Variants in DLGAP2 observed in about 807,000 individuals in gnomAD.
The protein encoded by DLGAP2 is disks large-associated protein 2.
DLGAP2 carries 26 observed loss-of-function variants against 100.3 expected under a neutral mutation model. The observed-to-expected ratio is 0.26, with a 90% CI of 0.19 to 0.36. DLGAP2 has a LOEUF of 0.36. DLGAP2 is among the 10% of genes least tolerant of loss of function. DLGAP2 has a pLI of 1.00. For synonymous variants in DLGAP2, 886 were observed against 630.1 expected (o/e 1.41, Z -6.08); for missense variants, 1,858 against 1,453.2 (o/e 1.28, Z -4.53).
chr8:1,564,414 A>T (rs1175510670), intron 5 of DLGAP2, among the ~76,000 whole-genome samples: 1 of 152,180 alleles, frequency 6.6e-6, no homozygotes, highest in East Asian at 1.9e-4. Context: ...CGTAACGCAA[A>T]CACACAGCAG....
intron 3 of DLGAP2, among the ~76,000 whole-genome samples, chr8:1,402,328 C>A (rs527931303): frequency 0.017 from 2 of 118 alleles, no homozygotes; most frequent in African/African-American, 0.062. Flanking sequence ...ACTGAGCGCT[C>A]CCTCCTCGTC....
At chr8:1,129,981 T>A (rs1289539310) in intron 2 of DLGAP2, among the ~76,000 whole-genome samples, 3 of 152,184 alleles carry the variant, frequency 2.0e-5, no homozygotes, top group Non-Finnish European at 4.4e-5. Context: ...GACAGGCAGT[T>A]CTAATTCTAA....
In DLGAP2 at chr8:1,666,746, A is replaced by G. The variant is rs73672913; in HGVS notation, c.1811-1583A>G. On this transcript the variant is annotated intron_variant, in intron 8 of 14. Transcript: ENST00000637795. ...AACATTATGCCTTAAAGCACAGGTC[A>G]TCCTGAATGGCAGGCTTGTTTTGTC... 4.0e-3 allele frequency among the ~76,000 whole-genome samples: 604 copies of G among 152,132 alleles called. 3 individuals carry two copies. The highest frequency in any genetic ancestry group is 0.014 in the African/African-American group (581 of 41,498).
intron 3 of DLGAP2, chr8:1,259,586 A>T (rs1261434356): frequency 1.3e-5 from 2 of 152,250 alleles, no homozygotes; most frequent in Non-Finnish European, 2.9e-5. Flanking sequence ...CTAGAAAAAG[A>T]GTCAGCCTTG....
At chr8:1,008,542 T>C (rs1801186903) in intron 2 of DLGAP2, among the ~76,000 whole-genome samples, 1 of 152,264 alleles carries the variant, frequency 6.6e-6, no homozygotes, top group African/African-American at 2.4e-5. Context: ...TGGCTGTTCC[T>C]GAACAAGAAA....
At chr8:1,242,877 C>G (rs1275323291) in intron 2 of DLGAP2, among the ~76,000 whole-genome samples, 1 of 151,590 alleles carries the variant, frequency 6.6e-6, no homozygotes, top group Non-Finnish European at 1.5e-5. Context: ...TGTGGATGGT[C>G]AGACAGACAG....
intron 3 of DLGAP2, among the ~76,000 whole-genome samples, chr8:1,496,492 C>T (rs947218914): frequency 3.9e-5 from 6 of 152,178 alleles, no homozygotes; most frequent in Non-Finnish European, 8.8e-5. Context: ...CTTCCCTTCT[C>T]AAGGCGCACT....
At chr8:796,183 G>A (rs904312048) in intron 1 of DLGAP2, among the ~76,000 whole-genome samples, 2 of 152,236 alleles carry the variant, frequency 1.3e-5, no homozygotes, top group Non-Finnish European at 2.9e-5. Context: ...CAGGTGTCCA[G>A]TGTGAGCACA....
intron 3 of DLGAP2, among the ~76,000 whole-genome samples, chr8:1,422,195 G>A (rs1797107312): frequency 6.6e-6 from 1 of 152,138 alleles, no homozygotes; most frequent in East Asian, 1.9e-4. Context: ...ATGGCCGCTA[G>A]GAGAGAAAGA....
At chr8:1,329,677 A>G (rs186510339) in intron 3 of DLGAP2, among the ~76,000 whole-genome samples, 2 of 152,192 alleles carry the variant, frequency 1.3e-5, no homozygotes, top group East Asian at 1.9e-4. Flanking sequence ...TGCAGAGACC[A>G]TGGGGGTGAA....
chr8:1,293,783 C>T (rs187625647), intron 3 of DLGAP2, among the ~76,000 whole-genome samples: 73 of 152,266 alleles, frequency 4.8e-4, no homozygotes, highest in Admixed American at 1.7e-3. Flanking sequence ...GAGTCTCCTT[C>T]TTCACTTATT....
intron 2 of DLGAP2, among the ~76,000 whole-genome samples, chr8:1,135,422 G>A (rs1796385140): frequency 6.6e-6 from 1 of 151,834 alleles, no homozygotes; most frequent in Non-Finnish European, 1.5e-5. Context: ...TCAGTGGAGA[G>A]GCGGAAATGG....
At chr8:1,199,937 T>TC (rs144044624) in intron 2 of DLGAP2, among the ~76,000 whole-genome samples, 12,106 of 150,760 alleles carry the variant, frequency 0.08, 881 homozygotes, top group African/African-American at 0.19. Context: ...GTGGAAGGAT[T>TC]CCCCCCCACA....
intron 4 of DLGAP2, among the ~76,000 whole-genome samples, chr8:1,513,414 C>T (rs1267050636): frequency 6.7e-6 from 1 of 148,176 alleles, no homozygotes; most frequent in African/African-American, 2.5e-5. Flanking sequence ...ACAGGCCAGC[C>T]CCACGGAGGC....
Position 1,701,179 on chromosome 8 carries a change from G to A in DLGAP2, c.2950-9G>A, listed in dbSNP as rs1799556417. The stretch of plus-strand genomic sequence containing the variant: ...GCACCTGCCAACGGTGACTTGCGCT[G>A]CTTTTCAGGAAGAAAGAAAGGTCCC... On this transcript the variant is annotated splice_polypyrimidine_tract_variant and intron_variant, in intron 14 of 14. Transcript: ENST00000637795. The A allele has an allele frequency of 6.4e-7, 1 of 1,553,538 alleles. No homozygotes were observed. Among genetic ancestry groups the A allele is most frequent in the East Asian group, 2.4e-5 (1 of 41,160 alleles).
At chr8:1,359,590 C>T (rs1211460690) in intron 3 of DLGAP2, among the ~76,000 whole-genome samples, 1 of 152,230 alleles carries the variant, frequency 6.6e-6, no homozygotes, top group African/African-American at 2.4e-5. Context: ...GGAGTGTGTG[C>T]TGTGGAGTCC....
intron 1 of DLGAP2, among the ~76,000 whole-genome samples, chr8:844,432 C>A (rs1394439288): frequency 1.3e-5 from 2 of 152,180 alleles, no homozygotes; most frequent in African/African-American, 4.8e-5. Context: ...ACCCCCTTTC[C>A]AGCCGTGCTG....
At chr8:1,656,384 C>G (rs902757974) in intron 8 of DLGAP2, among the ~76,000 whole-genome samples, 3 of 152,078 alleles carry the variant, frequency 2.0e-5, no homozygotes, top group East Asian at 1.9e-4. Context: ...TAGAAAGGAG[C>G]CTTTCTGACA....
intron 2 of DLGAP2, among the ~76,000 whole-genome samples, chr8:1,073,986 A>C (rs149577375): frequency 0.03 from 4,361 of 147,744 alleles, 215 homozygotes; most frequent in African/African-American, 0.11. Context: ...TTCAGGAGTC[A>C]CTGTAACAGA....
Sources: allele counts gnomAD v4.1 joint callset (sites outside exome capture counted in the v4.1 genomes callset), GRCh38; gene constraint gnomAD v4.1.1; transcripts MANE v1.5; gene names NCBI Gene and HGNC (gene_info 2026-07-23, HGNC 2026-07-21).